Variants in EBF3 observed in about 807,000 individuals in gnomAD.
EBF3 encodes transcription factor COE3.
A neutral mutation model predicts 77.1 loss-of-function variants in EBF3; 18 were observed. The observed-to-expected ratio is 0.23, with a 90% confidence interval of 0.16 to 0.35. The LOEUF (loss-of-function observed/expected upper bound fraction) is 0.35. EBF3 is among the 10% of genes least tolerant of loss of function. The pLI is 1.00. For synonymous variants in EBF3, 350 were observed against 343.5 expected (o/e 1.02, Z -0.21); for missense variants, 558 against 860.0 (o/e 0.65, Z 4.39).
intron 10 of EBF3, among the ~76,000 whole-genome samples, chr10:129,860,944 T>C (rs1290341826): frequency 6.6e-6 from 1 of 152,240 alleles, no homozygotes; most frequent in Non-Finnish European, 1.5e-5. Flanking sequence ...TTCTAGTAAA[T>C]GGGTGTCACT....
At chr10:129,857,484 G>A (rs1263118019) in intron 10 of EBF3, among the ~76,000 whole-genome samples, 6 of 152,070 alleles carry the variant, frequency 3.9e-5, no homozygotes, top group East Asian at 1.9e-4. Flanking sequence ...CAGCCTCTAC[G>A]GCCACCTCCC....
At position 129,963,350 on chromosome 10, in the gene EBF3, C is replaced by T; in HGVS notation, c.291+17G>A. 5 of 1,574,082 alleles carry T rather than the reference C, an allele frequency of 3.2e-6. No individual in the cohort carries two copies. The highest frequency in any genetic ancestry group is 4.3e-6 in the Non-Finnish European group (5 of 1,161,288). ...CTTCTAGAAAGAGAGAGGGTGTGATCGTGTGTTTGCACTTACTTTCTCTTT... is the reference window on the plus strand; with the variant it reads ...CTTCTAGAAAGAGAGAGGGTGTGATTGTGTGTTTGCACTTACTTTCTCTTT... On this transcript the variant is annotated intron_variant, in intron 2 of 16. Coordinates refer to ENST00000440978, the MANE Select transcript of EBF3 (RefSeq NM_001375380.1). The surrounding 1 kb of genome is among the most constrained non-coding windows in gnomAD (Gnocchi z 7.1).
chr10:129,854,924 G>A (rs1473706141), intron 10 of EBF3, among the ~76,000 whole-genome samples: 1 of 152,228 alleles, frequency 6.6e-6, no homozygotes, highest in African/African-American at 2.4e-5. Context: ...CAGCCTGGCA[G>A]GAAGACGTCA....
At chr10:129,862,247 C>A (rs1448924250) in intron 10 of EBF3, among the ~76,000 whole-genome samples, 1 of 152,106 alleles carries the variant, frequency 6.6e-6, no homozygotes, top group Non-Finnish European at 1.5e-5. Flanking sequence ...TTTCATAAGC[C>A]TGAAGCTGAA....
intron 6 of EBF3, among the ~76,000 whole-genome samples, chr10:129,913,471 T>C (rs1409456568): frequency 2.6e-5 from 4 of 152,268 alleles, no homozygotes; most frequent in African/African-American, 7.2e-5. Flanking sequence ...GGATAGTTTA[T>C]TGCTGAAACC....
chr10:129,877,740 G>T, intron 7 of EBF3, 28 bp downstream of exon 7: 1 of 1,590,420 alleles, frequency 6.3e-7, no homozygotes, highest in Non-Finnish European at 8.6e-7. Flanking sequence ...TCAGGACCAC[G>T]GTCCACGTGT....
chr10:129,886,478 C>T (rs1853594685), intron 6 of EBF3, among the ~76,000 whole-genome samples: 1 of 152,238 alleles, frequency 6.6e-6, no homozygotes, highest in South Asian at 2.1e-4. Context: ...CCTCTCTCTT[C>T]ACCTCCCTTT....
At chr10:129,859,395 T>C (rs570014015) in intron 10 of EBF3, among the ~76,000 whole-genome samples, 1 of 152,238 alleles carries the variant, frequency 6.6e-6, no homozygotes, top group African/African-American at 2.4e-5. Context: ...CTAATTTTTT[T>C]TGTATTTTTA....
Position 129,837,823 on chromosome 10 carries a change from A to AT in EBF3, c.*119dup, listed in dbSNP as rs927192567. On this transcript the variant is annotated 3_prime_UTR_variant, in exon 17 of 17. Coordinates refer to ENST00000440978, the MANE Select transcript of EBF3 (RefSeq NM_001375380.1). ...TTTTGTAGCATTTCAATTGCTGCTG[A>AT]TTTTTTTGAAGATACTGTTTCCATC... 37 of 1,368,222 alleles carry AT rather than the reference A, an allele frequency of 2.7e-5. No individual in the cohort carries two copies. In the Middle Eastern group the frequency reaches 1.8e-3, roughly 67 times the overall value. 84.8% of individuals were successfully genotyped at this position (1,368,222 alleles called of 1,614,324 possible).
At chr10:129,957,469 G>C (rs990135501) in intron 5 of EBF3, 143 bp from the exon 6 acceptor site, 25 of 642,538 alleles carry the variant, frequency 3.9e-5, no homozygotes, top group Non-Finnish European at 4.5e-5. Flanking sequence ...AACCCAGTGA[G>C]TTCACGTGTT....
Position 129,841,899 on chromosome 10 carries a change from G to A in EBF3, c.1372+217C>T, listed in dbSNP as rs927027835. Among the ~76,000 whole-genome samples the A allele has an allele frequency of 1.7e-4, 26 of 152,178 alleles. No homozygotes were observed. The highest frequency in any genetic ancestry group is 6.0e-4 in the African/African-American group (25 of 41,452). On this transcript the variant is annotated intron_variant, in intron 13 of 16. Coordinates refer to ENST00000440978, the MANE Select transcript of EBF3 (RefSeq NM_001375380.1). The surrounding 1 kb of genome is among the most constrained non-coding windows in gnomAD (Gnocchi z 4.6). ...CCGCATGGCATCCATTGGAGCTGCC[G>A]TTTTTAGTAACTGGGCTCTCTGAGT...
At chr10:129,948,413 T>TGGCTAGGTGGAGC (rs1858408382) in intron 6 of EBF3, among the ~76,000 whole-genome samples, 1 of 149,788 alleles carries the variant, frequency 6.7e-6, no homozygotes, top group African/African-American at 2.5e-5. Context: ...GGGGGAGGGG[T>TGGCTAGGTGGAGC]GGCTAGGTGG....
At chr10:129,895,495 G>A (rs563910841) in intron 6 of EBF3, among the ~76,000 whole-genome samples, 1 of 152,324 alleles carries the variant, frequency 6.6e-6, no homozygotes, top group Admixed American at 6.5e-5. Context: ...TCTCCTCCGA[G>A]TATGGGTAAG....
At chr10:129,890,913 C>T (rs767539080) in intron 6 of EBF3, among the ~76,000 whole-genome samples, 10 of 152,228 alleles carry the variant, frequency 6.6e-5, no homozygotes, top group Non-Finnish European at 1.5e-4. Context: ...CATCCTCAAT[C>T]TGCATGGAGA....
At chr10:129,900,813 A>G (rs1446477387) in intron 6 of EBF3, among the ~76,000 whole-genome samples, 1 of 152,220 alleles carries the variant, frequency 6.6e-6, no homozygotes, top group African/African-American at 2.4e-5. Context: ...CATCAGCCAC[A>G]GGCAACCTGG....
chr10:129,904,943 G>C (rs574478553), intron 6 of EBF3, among the ~76,000 whole-genome samples: 5 of 152,332 alleles, frequency 3.3e-5, no homozygotes, highest in African/African-American at 1.2e-4. Context: ...ATAATCACGA[G>C]ACATTTCTGA....
chr10:129,957,365 TC>T, intron 5 of EBF3, 39 bp from the exon 6 acceptor site: 1 of 1,525,228 alleles, frequency 6.6e-7, no homozygotes, highest in Non-Finnish European at 8.8e-7. Flanking sequence ...AATATGCATT[TC>T]CCCCTTTTAT....
chr10:129,906,367 C>A (rs1855142878), intron 6 of EBF3, among the ~76,000 whole-genome samples: 1 of 152,344 alleles, frequency 6.6e-6, no homozygotes, highest in East Asian at 1.9e-4. Flanking sequence ...TAAAATGATG[C>A]CCCTGTTCAG....
At chr10:129,840,589 G>T in intron 14 of EBF3, 147 bp from the exon 15 acceptor site, 1 of 1,027,888 alleles carries the variant, frequency 9.7e-7, no homozygotes, top group Non-Finnish European at 1.4e-6. Context: ...CTGGATAACA[G>T]GCAAGCTCTT....
Sources: allele counts gnomAD v4.1 joint callset (sites outside exome capture counted in the v4.1 genomes callset), GRCh38; gene constraint gnomAD v4.1.1; non-coding constraint Gnocchi (gnomAD v3.1); transcripts MANE v1.5; gene names NCBI Gene and HGNC (gene_info 2026-07-23, HGNC 2026-07-21).